SNX29: variants seen among roughly 807,000 people sequenced by gnomAD.
The protein encoded by SNX29 is sorting nexin 29, also known as sorting nexin-29.
In SNX29, 78 loss-of-function variants were observed where a neutral mutation model predicts 102.1. The ratio of observed to expected loss-of-function variants is 0.76; its 90% CI spans 0.64 to 0.92. The LOEUF is 0.92. Ranked by LOEUF, SNX29 falls within the 40% of genes least tolerant of loss-of-function variation. The pLI is 0.00. For synonymous variants in SNX29, 580 were observed against 414.5 expected (o/e 1.40, Z -4.85); for missense variants, 1,280 against 1,061.7 (o/e 1.21, Z -2.86).
intron 7 of SNX29, among the ~76,000 whole-genome samples, chr16:12,051,631 G>A (rs2050307330): frequency 6.6e-6 from 1 of 152,236 alleles, no homozygotes; most frequent in Admixed American, 6.5e-5. Context: ...GTGCTCTGTG[G>A]TGTGTTTATT....
At chr16:12,435,010 A>T (rs558109753) in intron 18 of SNX29, among the ~76,000 whole-genome samples, 2 of 152,128 alleles carry the variant, frequency 1.3e-5, no homozygotes, top group East Asian at 3.9e-4. Flanking sequence ...CATGGGGAAG[A>T]GGCTGTGATC....
chr16:12,413,965 C>T (rs567296473), intron 18 of SNX29, among the ~76,000 whole-genome samples: 18 of 152,330 alleles, frequency 1.2e-4, no homozygotes, highest in African/African-American at 4.3e-4. Context: ...ATATAAAATG[C>T]CATAGTATTT....
chr16:12,502,409 C>T (rs2089169598), intron 19 of SNX29, among the ~76,000 whole-genome samples: 1 of 152,160 alleles, frequency 6.6e-6, no homozygotes, highest in Admixed American at 6.5e-5. Flanking sequence ...TGGCCGGGCC[C>T]ACAGGGAATG....
intron 13 of SNX29, among the ~76,000 whole-genome samples, chr16:12,166,043 A>AT (rs1415943363): frequency 6.6e-6 from 1 of 152,244 alleles, no homozygotes; most frequent in Non-Finnish European, 1.5e-5. Context: ...GCATGGAAGC[A>AT]TTTAATCCAT....
intron 11 of SNX29, among the ~76,000 whole-genome samples, chr16:12,080,498 C>T (rs759844900): frequency 1.6e-4 from 25 of 152,076 alleles, no homozygotes; most frequent in Admixed American, 2.0e-4. Context: ...CTTTTGTTTA[C>T]CACAGTACTG....
intron 3 of SNX29, among the ~76,000 whole-genome samples, chr16:12,009,479 G>GTGTGTATA (rs142139296): frequency 6.7e-6 from 1 of 149,902 alleles, no homozygotes; most frequent in Admixed American, 6.7e-5. Flanking sequence ...GTGTGTGTGT[G>GTGTGTATA]TATATATATA....
intron 15 of SNX29, among the ~76,000 whole-genome samples, chr16:12,347,024 T>A (rs962073220): frequency 1.3e-5 from 2 of 152,226 alleles, no homozygotes; most frequent in East Asian, 3.9e-4. Flanking sequence ...GAGCTGTTTT[T>A]AGTGATGGGT....
intron 20 of SNX29, among the ~76,000 whole-genome samples, chr16:12,529,311 C>T (rs1157029065): frequency 6.6e-6 from 1 of 152,174 alleles, no homozygotes; most frequent in Non-Finnish European, 1.5e-5. Context: ...AAGCCCCGTG[C>T]TGTGTTCGTC....
intron 14 of SNX29, among the ~76,000 whole-genome samples, chr16:12,219,372 T>C (rs1480767360): frequency 6.6e-6 from 1 of 152,164 alleles, no homozygotes; most frequent in African/African-American, 2.4e-5. Context: ...ATATAGTCAT[T>C]GAGACACAAC....
intron 10 of SNX29, among the ~76,000 whole-genome samples, chr16:12,073,204 C>T (rs1231723863): frequency 1.3e-5 from 2 of 152,122 alleles, no homozygotes; most frequent in Admixed American, 1.3e-4. Flanking sequence ...TTCTTGCCTT[C>T]TGCTAGCTTT....
At chr16:12,343,596 G>A (rs1278308881) in intron 15 of SNX29, among the ~76,000 whole-genome samples, 1 of 152,046 alleles carries the variant, frequency 6.6e-6, no homozygotes, top group Non-Finnish European at 1.5e-5. Context: ...GCCCTAGGAC[G>A]GGTAGCTGCC....
rs181719131 is a variant in SNX29, at chr16:12,238,603, C to T, written c.1678+38920C>T. Among the ~76,000 whole-genome samples, 19 of 152,350 alleles carry T rather than the reference C, an allele frequency of 1.2e-4. No individual in the cohort carries two copies. The East Asian group carries it at 3.5e-3, about 28-fold the overall frequency. On this transcript the variant is annotated intron_variant, in intron 14 of 20. Transcript: ENST00000566228. ...CCTCCCAGAATGCTGGGATTACAGG[C>T]TTGAGCCACCGCGTCCGGCCTTGAA...
intron 19 of SNX29, among the ~76,000 whole-genome samples, chr16:12,515,842 G>A (rs1252203826): frequency 3.9e-5 from 6 of 152,172 alleles, no homozygotes; most frequent in South Asian, 4.1e-4. Flanking sequence ...CACAATTAAC[G>A]CGAGTGCCAG....
chr16:12,250,524 T>C (rs1276332006), intron 14 of SNX29, among the ~76,000 whole-genome samples: 1 of 152,184 alleles, frequency 6.6e-6, no homozygotes, highest in Non-Finnish European at 1.5e-5. Context: ...CTCATGAGCC[T>C]CTTACCCACT....
rs766659571 is a variant in SNX29, at chr16:12,574,077, C to T, written c.*5448C>T. 10 of 191,054 alleles carry T rather than the reference C, an allele frequency of 5.2e-5. No homozygotes were observed. The highest frequency in any genetic ancestry group is 8.4e-5 in the East Asian group (1 of 11,976). The allele number at this position is 191,054 out of a possible 1,614,324, so 11.8% of individuals were successfully genotyped here. ...CATAAGGTCTAGAAGTCTGTGGAAACGCCCTGAAACCTGTAGTATTATCTT... is the reference window on the plus strand; with the variant it reads ...CATAAGGTCTAGAAGTCTGTGGAAATGCCCTGAAACCTGTAGTATTATCTT... On this transcript the variant is annotated 3_prime_UTR_variant, in exon 21 of 21. Coordinates refer to ENST00000566228, the MANE Select transcript of SNX29 (RefSeq NM_032167.5).
At chr16:12,521,018 A>C (rs1381666257) in intron 19 of SNX29, among the ~76,000 whole-genome samples, 1 of 152,126 alleles carries the variant, frequency 6.6e-6, no homozygotes, top group Non-Finnish European at 1.5e-5. Context: ...TCACTAGTAA[A>C]AATACAAAAA....
chr16:12,361,664 A>T (rs1037578923), intron 16 of SNX29, among the ~76,000 whole-genome samples: 1 of 152,140 alleles, frequency 6.6e-6, no homozygotes, highest in East Asian at 1.9e-4. Flanking sequence ...AAAAAATTAA[A>T]TTTTTGGTTT....
At chr16:12,109,283 G>T (rs1196564057) in intron 11 of SNX29, among the ~76,000 whole-genome samples, 1 of 152,022 alleles carries the variant, frequency 6.6e-6, no homozygotes, top group African/African-American at 2.4e-5. Context: ...AGCAGCAGAT[G>T]GGGAGGGGAC....
chr16:12,387,143 AAAG>A (rs2083368953), intron 16 of SNX29, among the ~76,000 whole-genome samples: 1 of 150,450 alleles, frequency 6.6e-6, no homozygotes, highest in Admixed American at 6.6e-5. Context: ...AATAAAAAAA[AAAG>A]AGAGAGCCAC....
Sources: gnomAD v4.1 joint callset for allele counts (sites outside exome capture counted in the v4.1 genomes callset) on GRCh38, gnomAD v4.1.1 for gene constraint, MANE v1.5 for transcripts, NCBI Gene and HGNC (gene_info 2026-07-23, HGNC 2026-07-21) for gene names.